The following PLXDC2 variants were observed in gnomAD, a reference collection of about 807,000 sequenced individuals.
The protein encoded by PLXDC2 is plexin domain containing 2, also known as plexin domain-containing protein 2.
PLXDC2 carries 40 observed loss-of-function variants against 68.9 expected under a neutral mutation model. The observed-to-expected ratio is 0.58, with a 90% CI of 0.45 to 0.76. PLXDC2 has a LOEUF of 0.76. Ranked by LOEUF, PLXDC2 falls within the 30% of genes least tolerant of loss-of-function variation. PLXDC2 has a pLI of 0.00. For synonymous variants in PLXDC2, 243 were observed against 234.2 expected, an observed-to-expected ratio of 1.04 and a Z score of -0.34; for missense variants, 644 against 661.9, an observed-to-expected ratio of 0.97 and a Z score of 0.30.
intron 4 of PLXDC2, among the ~76,000 whole-genome samples, chr10:20,110,744 T>G (rs753358216): frequency 6.6e-6 from 1 of 152,188 alleles, no homozygotes; most frequent in Non-Finnish European, 1.5e-5. Flanking sequence ...CTCCTAACCC[T>G]TGCTCTCTAG....
At chr10:20,261,046 GT>G (rs948006032) in intron 13 of PLXDC2, among the ~76,000 whole-genome samples, 10 of 152,072 alleles carry the variant, frequency 6.6e-5, no homozygotes, top group Admixed American at 2.0e-4. Context: ...GAGTTATTTG[GT>G]TTTTTTATAT....
Position 20,127,834 on chromosome 10 carries a change from G to T in PLXDC2, c.542-15461G>T, listed in dbSNP as rs957657754. ...GCAAGACCCCATCTCTTAAACAAAA[G>T]GAAGGGAAAAAGGAAAAAGACTGTT... On this transcript the variant is annotated intron_variant, in intron 4 of 13. Coordinates refer to ENST00000377252, the MANE Select transcript of PLXDC2 (RefSeq NM_032812.9). 3.3e-5 allele frequency among the ~76,000 whole-genome samples: 5 copies of T among 152,032 alleles called. No homozygotes were observed. The South Asian group carries it at 1.0e-3, about 31-fold the overall frequency.
intron 2 of PLXDC2, among the ~76,000 whole-genome samples, chr10:20,006,179 A>G (rs1336803812): frequency 1.3e-5 from 2 of 152,102 alleles, no homozygotes; most frequent in Non-Finnish European, 2.9e-5. Context: ...ACTCAGTCTA[A>G]GAAAAAAAAA....
At chr10:20,145,436 A>G (rs577135169) in intron 5 of PLXDC2, among the ~76,000 whole-genome samples, 2 of 152,374 alleles carry the variant, frequency 1.3e-5, no homozygotes, top group African/African-American at 2.4e-5. Flanking sequence ...AATTTAGGAA[A>G]GCAAACTTCT....
intron 2 of PLXDC2, among the ~76,000 whole-genome samples, chr10:20,034,656 T>C (rs2131670793): frequency 6.6e-6 from 1 of 152,366 alleles, no homozygotes; most frequent in East Asian, 1.9e-4. Flanking sequence ...CATAAGAATG[T>C]AGAATGCCTG....
At chr10:20,254,796 G>C (rs533528061) in intron 13 of PLXDC2, among the ~76,000 whole-genome samples, 156 of 152,096 alleles carry the variant, frequency 1.0e-3, no homozygotes, top group African/African-American at 3.6e-3. Context: ...CTCTATGTAT[G>C]TCAGTGGTTT....
At chr10:20,067,687 C>CA (rs776006903) in intron 3 of PLXDC2, among the ~76,000 whole-genome samples, 2,739 of 78,740 alleles carry the variant, frequency 0.035, 81 homozygotes, top group African/African-American at 0.11. Context: ...AACTCCGACT[C>CA]AAAAAAAAAA....
At chr10:20,231,364 C>T (rs1266592018) in intron 12 of PLXDC2, among the ~76,000 whole-genome samples, 1 of 150,546 alleles carries the variant, frequency 6.6e-6, no homozygotes, top group East Asian at 1.9e-4. Context: ...GGAATGATAA[C>T]TGATACAAAA....
At position 20,070,845 on chromosome 10, in the gene PLXDC2, C is replaced by G. The variant is rs1237039063; in HGVS notation, c.541+2606C>G. On this transcript the variant is annotated intron_variant, in intron 4 of 13. Coordinates refer to ENST00000377252, the MANE Select transcript of PLXDC2 (RefSeq NM_032812.9). ...ATTGTTTTATCTTTAAAACTCATGT[C>G]AGCAATTCAGCCAATATGAAGTAAG... The G allele has an allele frequency of 2.0e-5, 3 of 152,070 alleles. No individual in the cohort carries two copies. The East Asian group carries it at 5.8e-4, about 29-fold the overall frequency. 9.4% of individuals were successfully genotyped at this position (152,070 alleles called of 1,614,324 possible). A position where few individuals can be genotyped will look rare whatever the true frequency, so the allele number is the denominator to read the frequency against.
chr10:20,106,562 G>T (rs972465333), intron 4 of PLXDC2, among the ~76,000 whole-genome samples: 3 of 152,082 alleles, frequency 2.0e-5, no homozygotes, highest in African/African-American at 7.2e-5. Flanking sequence ...GTGCATATGG[G>T]ATTGTGCATG....
chr10:20,069,300 G>C (rs1405887793), intron 4 of PLXDC2, among the ~76,000 whole-genome samples: 1 of 152,176 alleles, frequency 6.6e-6, no homozygotes, highest in Non-Finnish European at 1.5e-5. Flanking sequence ...CACTGCCTTA[G>C]AGGTGTGTAG....
intron 4 of PLXDC2, among the ~76,000 whole-genome samples, chr10:20,124,968 G>T (rs1359703244): frequency 6.6e-6 from 1 of 152,010 alleles, no homozygotes; most frequent in Non-Finnish European, 1.5e-5. Context: ...CTATGAGAGG[G>T]TAATATAGTG....
chr10:19,948,286 G>T (rs1370451236), intron 1 of PLXDC2, among the ~76,000 whole-genome samples: 2 of 151,998 alleles, frequency 1.3e-5, no homozygotes, highest in Non-Finnish European at 2.9e-5. Context: ...CTCTAAGGAT[G>T]CCATTTCTCA....
chr10:19,865,402 G>A (rs1358667046), intron 1 of PLXDC2, among the ~76,000 whole-genome samples: 2 of 152,204 alleles, frequency 1.3e-5, no homozygotes, highest in Non-Finnish European at 2.9e-5. Context: ...CAATGGTAGA[G>A]TTGGGCTGTG....
intron 13 of PLXDC2, among the ~76,000 whole-genome samples, chr10:20,264,385 G>A (rs1271519439): frequency 6.6e-6 from 1 of 152,148 alleles, no homozygotes; most frequent in African/African-American, 2.4e-5. Flanking sequence ...CCTGGTGGAT[G>A]TAATAATGCC....
chr10:20,001,682 C>A, intron 1 of PLXDC2, 93 bp from the exon 2 acceptor site: 1 of 1,131,972 alleles, frequency 8.8e-7, no homozygotes, highest in Non-Finnish European at 1.3e-6. Context: ...ATTCTCGTGC[C>A]TCACAGAATT....
At chr10:19,978,879 G>C (rs1834501918) in intron 1 of PLXDC2, among the ~76,000 whole-genome samples, 1 of 152,132 alleles carries the variant, frequency 6.6e-6, no homozygotes, top group Non-Finnish European at 1.5e-5. Flanking sequence ...TACAAGATAA[G>C]AGTAAGTTCT....
At chr10:19,965,685 G>A (rs1002268320) in intron 1 of PLXDC2, among the ~76,000 whole-genome samples, 15 of 142,422 alleles carry the variant, frequency 1.1e-4, no homozygotes, top group East Asian at 5.0e-4. Flanking sequence ...GTCTGCAGGA[G>A]CACAGCAGAT....
intron 2 of PLXDC2, among the ~76,000 whole-genome samples, chr10:20,021,532 A>G (rs927347402): frequency 6.6e-6 from 1 of 152,036 alleles, no homozygotes; most frequent in African/African-American, 2.4e-5. Flanking sequence ...TCATCCACAG[A>G]TTATTCACAT....
Sources: gnomAD v4.1 joint callset for allele counts (sites outside exome capture counted in the v4.1 genomes callset) on GRCh38, gnomAD v4.1.1 for gene constraint, MANE v1.5 for transcripts, NCBI Gene and HGNC (gene_info 2026-07-23, HGNC 2026-07-21) for gene names.